Variants in PACRGL observed in about 807,000 individuals in gnomAD.
PACRGL encodes the protein PACRG-like protein.
PACRGL carries 38 observed loss-of-function variants against 34.5 expected under a neutral mutation model. The observed-to-expected ratio is 1.10, with a 90% CI of 0.85 to 1.44. The LOEUF (loss-of-function observed/expected upper bound fraction) is 1.44. Ranked by LOEUF, PACRGL falls within the 40% of genes most tolerant of loss-of-function variation. PACRGL has a pLI of 0.00. For synonymous variants in PACRGL, 128 were observed against 100.1 expected (o/e 1.28, Z -1.66); for missense variants, 305 against 281.4 (o/e 1.08, Z -0.60).
At chr4:20,741,451 A>G (rs887251873) in intron 8 of PACRGL, among the ~76,000 whole-genome samples, 1 of 152,216 alleles carries the variant, frequency 6.6e-6, no homozygotes, top group Non-Finnish European at 1.5e-5. Context: ...AAACTGAACA[A>G]CCTGCTCCTG....
chr4:20,729,497 T>TAAATGTTTAA lies in PACRGL; in HGVS notation c.*2162_*2171dup, dbSNP rs1181079375. ...TAATTTTTAAATGTTTAATAATTTT[T>TAAATGTTTAA]AAATGTTTAAAAATGCCAGATAAAA... is the stretch of plus-strand genomic sequence containing the variant. On this transcript the variant is annotated 3_prime_UTR_variant, in exon 9 of 9. Coordinates refer to ENST00000503585, the MANE Select transcript of PACRGL (RefSeq NM_001258345.3). 3.5e-5 allele frequency: 5 copies of TAAATGTTTAA among 142,520 alleles called. No individual in the cohort carries two copies. Among genetic ancestry groups the TAAATGTTTAA allele is most frequent in the Non-Finnish European group, 6.1e-5 (4 of 65,264 alleles). 8.8% of individuals were successfully genotyped at this position (142,520 alleles called of 1,614,324 possible).
In PACRGL at chr4:20,730,854, G is replaced by C. The variant is rs1351889837; in HGVS notation, c.*3513G>C. Among the ~76,000 whole-genome samples, 3 of 152,106 alleles carry C rather than the reference G, an allele frequency of 2.0e-5. No individual in the cohort carries two copies. The highest frequency in any genetic ancestry group is 4.4e-5 in the Non-Finnish European group (3 of 68,024). ...ACTTACTGAGCTGTTTATGGTAGTG[G>C]TAAATGGTGGCTGAACCAATAATGG... is the stretch of plus-strand genomic sequence containing the variant. On this transcript the variant is annotated 3_prime_UTR_variant, in exon 9 of 9. Transcript: ENST00000503585.
intron 5 of PACRGL, among the ~76,000 whole-genome samples, chr4:20,710,272 T>C (rs534452586): frequency 2.4e-4 from 37 of 152,258 alleles, no homozygotes; most frequent in African/African-American, 7.0e-4. Flanking sequence ...GGTGGTTTTA[T>C]AGACTATTTT....
upstream of PACRGL, among the ~76,000 whole-genome samples, chr4:20,698,675 T>A (rs56267013): frequency 0.13 from 19,427 of 152,268 alleles, 1,272 homozygotes; most frequent in Middle Eastern, 0.16. Flanking sequence ...ACAGAAAGTT[T>A]AGAAGAGGCT....
chr4:20,704,444 CTT>C lies in PACRGL; in HGVS notation c.-16-11_-16-10del, dbSNP rs749114839. ...CCCTCCAAACAAATTTTGAAATCAA[CTT>C]TTTTTTTTTTAAACTGCAGGAGTGA... On this transcript the variant is annotated intron_variant, in intron 1 of 8. Transcript: ENST00000503585. 9.9e-5 allele frequency: 125 copies of C among 1,266,422 alleles called. No homozygotes were observed. Among genetic ancestry groups the C allele is most frequent in the Middle Eastern group, 3.9e-4 (2 of 5,134 alleles). 78.4% of individuals were successfully genotyped at this position (1,266,422 alleles called of 1,614,324 possible).
rs898621372 is a variant in PACRGL at position 20,725,647 on chromosome 4, A to G, written c.690+759A>G. On this transcript the variant is annotated intron_variant, in intron 8 of 8. Coordinates refer to ENST00000503585, the MANE Select transcript of PACRGL (RefSeq NM_001258345.3). ...TGTATAACTTAGTTCCATTGTAGGT[A>G]CTTCTAAAGGAATTAGTTATGAGAA... Among the ~76,000 whole-genome samples, 134 of 152,142 alleles carry G rather than the reference A, an allele frequency of 8.8e-4. 1 individual carries two copies. The highest frequency in any genetic ancestry group is 8.7e-3 in the Admixed American group (133 of 15,244).
At position 20,732,214 on chromosome 4, in the gene PACRGL, G is replaced by A; in HGVS notation, c.*4873G>A. The A allele has an allele frequency of 1.6e-6, 1 of 620,756 alleles. No homozygotes were observed. Among genetic ancestry groups the A allele is most frequent in the Non-Finnish European group, 2.8e-6 (1 of 355,538 alleles). The allele number at this position is 620,756 out of a possible 1,614,324, so 38.5% of individuals were successfully genotyped here. A position where few individuals can be genotyped will look rare whatever the true frequency, so the allele number is the denominator to read the frequency against. Reference sequence around the variant, plus strand: ...AACTGTTTCAGAGCAGGAACCAGCAGTTTTTTAGAGATAAAAATGATAGGG... The same window carrying A: ...AACTGTTTCAGAGCAGGAACCAGCAATTTTTTAGAGATAAAAATGATAGGG... On this transcript the variant is annotated 3_prime_UTR_variant, in exon 9 of 9. Coordinates refer to ENST00000503585, the MANE Select transcript of PACRGL (RefSeq NM_001258345.3).
At chr4:20,761,338 T>A in the PACRGL span, among the ~76,000 whole-genome samples, 3 of 152,216 alleles carry the variant, frequency 2.0e-5, no homozygotes, top group Non-Finnish European at 4.4e-5. Context: ...TGAAGGACCC[T>A]AATACATAAA....
downstream of PACRGL, among the ~76,000 whole-genome samples, chr4:20,755,843 T>G (rs1421907446): frequency 6.6e-6 from 1 of 151,954 alleles, no homozygotes; most frequent in Non-Finnish European, 1.5e-5. Context: ...GCATCATGGC[T>G]GGTGTGCTGG....
the PACRGL span, among the ~76,000 whole-genome samples, chr4:20,765,440 G>A: frequency 6.6e-6 from 1 of 152,138 alleles, no homozygotes; most frequent in Non-Finnish European, 1.5e-5. Flanking sequence ...TGGGATCACC[G>A]ATTAAAATTT....
rs148895786 is a variant in PACRGL at position 20,717,093 on chromosome 4, G to A, written c.609+3554G>A. Among the ~76,000 whole-genome samples, 404 of 152,238 alleles carry A rather than the reference G, an allele frequency of 2.7e-3. 2 individuals carry two copies. Among genetic ancestry groups the A allele is most frequent in the Middle Eastern group, 6.8e-3 (2 of 294 alleles). ...ATTTCTTAATGGCCAGTGATGATGA[G>A]CATTTTTTCATGTGTCTGTTGGCTG... On this transcript the variant is annotated intron_variant, in intron 7 of 8. Transcript: ENST00000503585.
At chr4:20,732,763 G>C (rs780377690), downstream of PACRGL, 4 of 1,608,670 alleles carry the variant, frequency 2.5e-6, no homozygotes, top group East Asian at 4.5e-5. Flanking sequence ...ATCGTATATT[G>C]CTTTCATTAT....
rs62411662 is a variant in PACRGL at position 20,743,172 on chromosome 4, C to A, written c.*57-9393C>A. ...GTTCATGGATAGGAAGAATCCATAT[C>A]GTGAACATGGCCATACTGCCCAAGG... On this transcript the variant is annotated intron_variant, in intron 8 of 8. Transcript: ENST00000507634. Among the ~76,000 whole-genome samples, 12 of 151,986 alleles carry A rather than the reference C, an allele frequency of 7.9e-5. 1 individual carries two copies. The East Asian group carries it at 1.9e-3, about 25-fold the overall frequency.
chr4:20,712,683 A>G (rs756240786), intron 5 of PACRGL, 105 bp from the exon 6 acceptor site: 6 of 1,022,800 alleles, frequency 5.9e-6, no homozygotes, highest in Admixed American at 3.1e-5. Context: ...TAGGAAAACA[A>G]TAATGAAATT....
At chr4:20,755,281 A>G (rs1334435773), downstream of PACRGL, among the ~76,000 whole-genome samples, 1 of 152,208 alleles carries the variant, frequency 6.6e-6, no homozygotes, top group East Asian at 1.9e-4. Context: ...TAGGCACAAA[A>G]TTGTTTTAAA....
At chr4:20,712,659 A>T (rs532062112) in intron 5 of PACRGL, 129 bp from the exon 6 acceptor site, 1 of 895,554 alleles carries the variant, frequency 1.1e-6, no homozygotes, top group East Asian at 3.0e-5. Flanking sequence ...AACTACTGAA[A>T]TTATAATCAT....
chr4:20,719,434 T>G (rs1246078649), intron 7 of PACRGL, among the ~76,000 whole-genome samples: 1 of 152,244 alleles, frequency 6.6e-6, no homozygotes. Flanking sequence ...GTATCAGTTT[T>G]AGATCTTTCC....
At chr4:20,757,321 A>G (rs1298943544), downstream of PACRGL, among the ~76,000 whole-genome samples, 1 of 152,124 alleles carries the variant, frequency 6.6e-6, no homozygotes, top group African/African-American at 2.4e-5. Flanking sequence ...GTAATCTTCT[A>G]ATTAGTCTCC....
chr4:20,729,254 C>T lies in PACRGL; in HGVS notation c.*1913C>T, dbSNP rs1303822366. The T allele has an allele frequency of 3.3e-5, 5 of 151,760 alleles. No homozygotes were observed. The highest frequency in any genetic ancestry group is 5.9e-5 in the Non-Finnish European group (4 of 67,928). 9.4% of individuals were successfully genotyped at this position (151,760 alleles called of 1,614,324 possible). The stretch of plus-strand genomic sequence containing the variant: ...ATACTGGAGGATAGATATCCTGACC[C>T]TTTGCATATGTCTGTAAACATCCTT... On this transcript the variant is annotated 3_prime_UTR_variant, in exon 9 of 9. Coordinates refer to ENST00000503585, the MANE Select transcript of PACRGL (RefSeq NM_001258345.3).
Sources: allele counts gnomAD v4.1 joint callset (sites outside exome capture counted in the v4.1 genomes callset), GRCh38; gene constraint gnomAD v4.1.1; transcripts MANE v1.5; gene names NCBI Gene and HGNC (gene_info 2026-07-23, HGNC 2026-07-21).